Variants in GALNT17 observed in about 807,000 individuals in gnomAD.
GALNT17 encodes UDP-GalNAc:polypeptide N-acetylgalactosaminyltransferase-like 3.
A neutral mutation model predicts 63.7 loss-of-function variants in GALNT17; 29 were observed. That is an observed-to-expected ratio of 0.46 (90% CI 0.34 to 0.62). The LOEUF (loss-of-function observed/expected upper bound fraction) is 0.62, where lower values mean the gene tolerates loss of function less well. Ranked by LOEUF, GALNT17 falls within the 20% of genes least tolerant of loss-of-function variation. The pLI is 0.01. For missense variants in GALNT17, 603 were observed against 799.6 expected, an observed-to-expected ratio of 0.75 and a Z score of 2.97; for synonymous variants, 305 against 318.3, an observed-to-expected ratio of 0.96 and a Z score of 0.45.
chr7:71,681,657 G>C (rs976038644), intron 9 of GALNT17, among the ~76,000 whole-genome samples: 2 of 152,192 alleles, frequency 1.3e-5, no homozygotes, highest in Non-Finnish European at 2.9e-5. Flanking sequence ...GCTGTGAAAA[G>C]AGCACTTAAC....
intron 6 of GALNT17, among the ~76,000 whole-genome samples, chr7:71,635,749 G>A (rs796737176): frequency 2.6e-5 from 4 of 152,316 alleles, no homozygotes; most frequent in African/African-American, 9.6e-5. Flanking sequence ...ATTTCTTGAT[G>A]ATATGCTAAA....
chr7:71,260,296 A>T (rs1583807545), intron 1 of GALNT17, among the ~76,000 whole-genome samples: 3 of 152,104 alleles, frequency 2.0e-5, no homozygotes, highest in African/African-American at 7.2e-5. Context: ...CAATTTGGAG[A>T]TGCTGTACAT....
At chr7:71,681,398 T>C (rs491988) in intron 9 of GALNT17, among the ~76,000 whole-genome samples, 147,106 of 152,306 alleles carry the variant, frequency 0.97, 71,253 homozygotes, top group East Asian at 1. Context: ...TGAAAAGCCC[T>C]AGCTAGTCTC....
chr7:71,711,469 G>T (rs1284694626), intron 10 of GALNT17, among the ~76,000 whole-genome samples: 1 of 151,908 alleles, frequency 6.6e-6, no homozygotes, highest in Non-Finnish European at 1.5e-5. Flanking sequence ...CGCCATGATA[G>T]TTAAGCCTCT....
rs540509632 is a variant in GALNT17, at chr7:71,644,893, A to G, written c.1081-20518A>G. On this transcript the variant is annotated intron_variant, in intron 6 of 10. Transcript: ENST00000333538. ...CTCAGTGGCTTAGTATGGTAAAAATATGTTCCATGGTTGGCAGGTAGCCTT... is the reference window on the plus strand; with the variant it reads ...CTCAGTGGCTTAGTATGGTAAAAATGTGTTCCATGGTTGGCAGGTAGCCTT... Among the ~76,000 whole-genome samples the G allele has an allele frequency of 1.9e-4, 29 of 152,264 alleles. No homozygotes were observed. In the South Asian group the frequency reaches 5.2e-3, roughly 27 times the overall value.
At chr7:71,230,768 T>G (rs1433601045) in intron 1 of GALNT17, among the ~76,000 whole-genome samples, 1 of 152,184 alleles carries the variant, frequency 6.6e-6, no homozygotes, top group Non-Finnish European at 1.5e-5. Flanking sequence ...TTTTGGTTTT[T>G]CAGATCCCCT....
chr7:71,653,223 C>G (rs1260481822), intron 6 of GALNT17, among the ~76,000 whole-genome samples: 2 of 151,882 alleles, frequency 1.3e-5, no homozygotes, highest in Non-Finnish European at 2.9e-5. Context: ...ACCATGTTGG[C>G]CAGGTTGGTC....
intron 6 of GALNT17, among the ~76,000 whole-genome samples, chr7:71,599,837 T>C (rs1404648365): frequency 6.6e-6 from 1 of 152,116 alleles, no homozygotes; most frequent in South Asian, 2.1e-4. Flanking sequence ...GCGATAATAA[T>C]TGCACTATTG....
chr7:71,219,232 G>T (rs775662713), intron 1 of GALNT17, among the ~76,000 whole-genome samples: 2 of 152,204 alleles, frequency 1.3e-5, no homozygotes, highest in Non-Finnish European at 2.9e-5. Flanking sequence ...AGGGGGTGGA[G>T]TCAGATTCAC....
At chr7:71,355,712 T>G (rs1173531512) in intron 2 of GALNT17, among the ~76,000 whole-genome samples, 1 of 152,094 alleles carries the variant, frequency 6.6e-6, no homozygotes, top group African/African-American at 2.4e-5. Flanking sequence ...TTTGTGTTTT[T>G]GGTAGAGACA....
At position 71,388,304 on chromosome 7, in the gene GALNT17, C is replaced by T. The variant is rs557023568; in HGVS notation, c.492C>T (p.Ala164=). ...TCATATTCATCTTCGTGAACGAGGC[C>T]CTGTCGGTGATCCTGCGGTCCGTGC... is the stretch of plus-strand genomic sequence containing the variant. The part of the protein sequence containing the change: ...ISIIFIFVNE[A]LSVILRSVHS... Residue 164 remains alanine (A), a synonymous_variant, in exon 3 of 11, where the codon GCC becomes GCT. Transcript: ENST00000333538. 52 of 1,614,008 alleles carry T rather than the reference C, an allele frequency of 3.2e-5. No individual in the cohort carries two copies. In the South Asian group the frequency reaches 5.6e-4, roughly 17 times the overall value.
At chr7:71,295,395 G>A (rs546537847) in intron 1 of GALNT17, among the ~76,000 whole-genome samples, 1 of 152,094 alleles carries the variant, frequency 6.6e-6, no homozygotes, top group African/African-American at 2.4e-5. Flanking sequence ...GGCAGAGTTT[G>A]AAGCCTGCCT....
At chr7:71,642,977 T>C (rs1462602398) in intron 6 of GALNT17, among the ~76,000 whole-genome samples, 2 of 152,178 alleles carry the variant, frequency 1.3e-5, no homozygotes, top group Non-Finnish European at 2.9e-5. Context: ...CCCCCAGGTG[T>C]TCCTCATAAA....
intron 6 of GALNT17, among the ~76,000 whole-genome samples, chr7:71,656,536 G>A (rs1159331036): frequency 1.3e-5 from 2 of 152,140 alleles, no homozygotes; most frequent in African/African-American, 4.8e-5. Flanking sequence ...AGTTTGCAGG[G>A]CCGTGGAATG....
At chr7:71,266,048 C>T (rs1235695131) in intron 1 of GALNT17, among the ~76,000 whole-genome samples, 1 of 152,150 alleles carries the variant, frequency 6.6e-6, no homozygotes, top group Non-Finnish European at 1.5e-5. Flanking sequence ...CATTCCTTGG[C>T]TTATGGCCGC....
chr7:71,245,848 G>GGTTTTTTTTTTTTTTTTTTTTTT (rs1790083340), intron 1 of GALNT17, among the ~76,000 whole-genome samples: 1 of 122,892 alleles, frequency 8.1e-6, no homozygotes. Context: ...AAGAGAGCAG[G>GGTTTTTTTTTTTTTTTTTTTTTT]TTTTTTTTTT....
At chr7:71,141,104 C>CA (rs931177910) in intron 1 of GALNT17, among the ~76,000 whole-genome samples, 3 of 151,704 alleles carry the variant, frequency 2.0e-5, no homozygotes, top group South Asian at 2.1e-4. Flanking sequence ...CGTGGTGACT[C>CA]ACGCCTGTAA....
chr7:71,677,273 A>C lies in GALNT17; in HGVS notation c.1467A>C (p.Ala489=), dbSNP rs201835550. Reference sequence around the variant, plus strand: ...AGGGGCCGCTGGAGAACCACACAGCAATATTGTATCCGTGCCATGGCTGGG... The same window carrying C: ...AGGGGCCGCTGGAGAACCACACAGCCATATTGTATCCGTGCCATGGCTGGG... ...LDQGPLENHT[A]ILYPCHGWGP... Residue 489 remains alanine (A), a synonymous_variant, in exon 9 of 11, where the codon GCA becomes GCC. Coordinates refer to ENST00000333538, the MANE Select transcript of GALNT17 (RefSeq NM_022479.3). 1.2e-4 allele frequency: 190 copies of C among 1,614,036 alleles called. No individual in the cohort carries two copies. The East Asian group carries it at 1.4e-3, about 12-fold the overall frequency.
chr7:71,368,845 A>C (rs1169412277), intron 2 of GALNT17, among the ~76,000 whole-genome samples: 3 of 151,404 alleles, frequency 2.0e-5, no homozygotes, highest in African/African-American at 7.3e-5. Context: ...ATCCATATTA[A>C]AATCAAAGGC....
Sources: allele counts gnomAD v4.1 joint callset (sites outside exome capture counted in the v4.1 genomes callset), GRCh38; gene constraint gnomAD v4.1.1; transcripts MANE v1.5; gene names NCBI Gene and HGNC (gene_info 2026-07-23, HGNC 2026-07-21).